Variants in B3GLCT observed in about 807,000 individuals in gnomAD.
B3GLCT encodes beta 3-glucosyltransferase.
In B3GLCT, 65 loss-of-function variants were observed where a neutral mutation model predicts 63.4. The observed-to-expected ratio is 1.03, with a 90% confidence interval of 0.84 to 1.26. The LOEUF (loss-of-function observed/expected upper bound fraction) is 1.26, where lower values mean the gene tolerates loss of function less well. Ranked by LOEUF, B3GLCT falls within the 50% of genes most tolerant of loss-of-function variation. The pLI is 0.00. For synonymous variants in B3GLCT, 233 were observed against 219.2 expected (o/e 1.06, Z -0.55); for missense variants, 577 against 604.8 (o/e 0.95, Z 0.48).
At chr13:31,219,214 C>G (rs1278304130) in intron 2 of B3GLCT, among the ~76,000 whole-genome samples, 2 of 152,126 alleles carry the variant, frequency 1.3e-5, no homozygotes, top group East Asian at 3.9e-4. Flanking sequence ...CGCTAGCAAA[C>G]CAAATTCAGC....
chr13:31,237,826 G>C (rs1246212401), intron 4 of B3GLCT, among the ~76,000 whole-genome samples: 1 of 152,152 alleles, frequency 6.6e-6, no homozygotes, highest in African/African-American at 2.4e-5. Flanking sequence ...GGTGTGGCAG[G>C]TATGCACCGT....
chr13:31,237,677 T>C (rs1485455669), intron 4 of B3GLCT, among the ~76,000 whole-genome samples: 2 of 152,064 alleles, frequency 1.3e-5, no homozygotes, highest in Non-Finnish European at 1.5e-5. Flanking sequence ...TTTTAAGAAA[T>C]GGACATGCTC....
At chr13:31,236,647 T>C (rs1385521549) in intron 4 of B3GLCT, among the ~76,000 whole-genome samples, 3 of 152,186 alleles carry the variant, frequency 2.0e-5, no homozygotes, top group Admixed American at 6.5e-5. Context: ...ACAAGATCCA[T>C]AGTGAGCTGT....
chr13:31,260,328 A>T (rs1871964311), intron 6 of B3GLCT: 1 of 152,232 alleles, frequency 6.6e-6, no homozygotes. Context: ...GCTCCTTGAT[A>T]TTATTTCATC....
intron 12 of B3GLCT, chr13:31,312,364 C>T (rs1001872403): frequency 1.3e-5 from 2 of 152,128 alleles, no homozygotes; most frequent in African/African-American, 4.8e-5. Context: ...AAGCCAAACA[C>T]AGTGTCAAAT....
intron 3 of B3GLCT, among the ~76,000 whole-genome samples, chr13:31,223,886 T>C (rs1869957076): frequency 6.6e-6 from 1 of 152,108 alleles, no homozygotes; most frequent in Non-Finnish European, 1.5e-5. Context: ...ACCTCCAGTT[T>C]CATGATGGAT....
At chr13:31,290,343 C>G (rs1215220788) in intron 12 of B3GLCT, among the ~76,000 whole-genome samples, 2 of 152,106 alleles carry the variant, frequency 1.3e-5, no homozygotes, top group Non-Finnish European at 2.9e-5. Context: ...TGTGTCTTTA[C>G]AGTGGAATGA....
intron 12 of B3GLCT, among the ~76,000 whole-genome samples, chr13:31,309,830 G>A (rs1388727941): frequency 6.6e-6 from 1 of 152,160 alleles, no homozygotes; most frequent in African/African-American, 2.4e-5. Flanking sequence ...AGAAGCCCAT[G>A]TTCTAAACCC....
At chr13:31,237,996 A>G (rs1308943004) in intron 4 of B3GLCT, among the ~76,000 whole-genome samples, 2 of 152,218 alleles carry the variant, frequency 1.3e-5, no homozygotes, top group Non-Finnish European at 2.9e-5. Context: ...TTATCATTTG[A>G]ATATTTATCT....
intron 14 of B3GLCT, among the ~76,000 whole-genome samples, chr13:31,325,241 ATACT>A (rs1875548242): frequency 6.6e-6 from 1 of 152,172 alleles, no homozygotes; most frequent in African/African-American, 2.4e-5. Context: ...CAGTTAGAAG[ATACT>A]TACTTGTCCT....
intron 6 of B3GLCT, among the ~76,000 whole-genome samples, chr13:31,253,444 T>C (rs1000777639): frequency 6.6e-6 from 1 of 151,020 alleles, no homozygotes; most frequent in Non-Finnish European, 1.5e-5. Context: ...GCAAAAAAAA[T>C]TAGCTGGGCG....
At position 31,323,845 on chromosome 13, in the gene B3GLCT, T is replaced by C. The variant is rs760774672; in HGVS notation, c.1279T>C (p.Cys427Arg). The change falls in exon 14 of 15, where the codon TGC (cysteine) becomes CGC (arginine). Residue 427 changes from cysteine (C) to arginine (R), a missense_variant. Physicochemically the swap from Cys to Arg is radical, Grantham distance 180. Coordinates refer to ENST00000343307, the MANE Select transcript of B3GLCT (RefSeq NM_194318.4). Reference sequence around the variant, plus strand: ...TCCCGATGATATGGTCCTGGGAATGTGCTTTAGTGGCTTGGGAATCCCTGT... The same window carrying C: ...TCCCGATGATATGGTCCTGGGAATGCGCTTTAGTGGCTTGGGAATCCCTGT... ...DAPDDMVLGM[C>R]FSGLGIPVTH... The C allele has an allele frequency of 3.1e-6, 5 of 1,614,216 alleles. No homozygotes were observed. In the African/African-American group the frequency reaches 6.7e-5, roughly 22 times the overall value.
At chr13:31,216,115 T>C (rs575306749) in intron 2 of B3GLCT, among the ~76,000 whole-genome samples, 2 of 147,734 alleles carry the variant, frequency 1.4e-5, no homozygotes, top group African/African-American at 5.0e-5. Flanking sequence ...ACCCCACAAT[T>C]GGTGTAAAAG....
intron 12 of B3GLCT, among the ~76,000 whole-genome samples, chr13:31,313,641 A>C (rs996496325): frequency 3.9e-5 from 6 of 152,228 alleles, no homozygotes; most frequent in Admixed American, 6.5e-5. Flanking sequence ...AGAGCATAAA[A>C]GTTTAGAAAA....
chr13:31,296,448 T>C (rs1284402933), intron 12 of B3GLCT, among the ~76,000 whole-genome samples: 1 of 152,202 alleles, frequency 6.6e-6, no homozygotes, highest in Non-Finnish European at 1.5e-5. Flanking sequence ...CTCTGTGGCC[T>C]CTTCTCAGAA....
At chr13:31,287,279 T>C (rs1482864157) in intron 12 of B3GLCT, among the ~76,000 whole-genome samples, 1 of 152,104 alleles carries the variant, frequency 6.6e-6, no homozygotes, top group African/African-American at 2.4e-5. Context: ...AATAGAGTAT[T>C]GATCAGTGCA....
intron 3 of B3GLCT, among the ~76,000 whole-genome samples, chr13:31,226,140 T>G (rs1170341945): frequency 6.6e-6 from 1 of 152,174 alleles, no homozygotes; most frequent in Non-Finnish European, 1.5e-5. Context: ...AAGCTCTCCT[T>G]GCACTCGCCC....
intron 3 of B3GLCT, among the ~76,000 whole-genome samples, chr13:31,226,534 G>A (rs1289363323): frequency 1.3e-5 from 2 of 152,232 alleles, no homozygotes; most frequent in East Asian, 3.9e-4. Context: ...GAGCTTTGCT[G>A]AGCTGGTAGG....
intron 10 of B3GLCT, among the ~76,000 whole-genome samples, chr13:31,280,668 A>G (rs1008514803): frequency 6.6e-6 from 1 of 152,362 alleles, no homozygotes. Flanking sequence ...GGAAGAATTG[A>G]TAATAAAACC....
Sources: allele counts gnomAD v4.1 joint callset (sites outside exome capture counted in the v4.1 genomes callset), GRCh38; gene constraint gnomAD v4.1.1; transcripts MANE v1.5; gene names NCBI Gene and HGNC (gene_info 2026-07-23, HGNC 2026-07-21).